OPCML: variants seen among roughly 807,000 people sequenced by gnomAD.
OPCML encodes opioid binding protein/cell adhesion molecule like.
OPCML carries 13 observed loss-of-function variants against 37.8 expected under a neutral mutation model. That is an observed-to-expected ratio of 0.34 (90% confidence interval 0.22 to 0.55). The LOEUF (loss-of-function observed/expected upper bound fraction) is 0.55, where lower values mean the gene tolerates loss of function less well. Ranked by LOEUF, OPCML falls within the 20% of genes least tolerant of loss-of-function variation. The pLI is 0.91. For missense variants in OPCML, 341 were observed against 435.6 expected (o/e 0.78, Z 1.93); for synonymous variants, 176 against 168.8 (o/e 1.04, Z -0.33).
At chr11:133,234,021 A>T (rs748925812) in intron 1 of OPCML, among the ~76,000 whole-genome samples, 2 of 152,186 alleles carry the variant, frequency 1.3e-5, no homozygotes, top group Non-Finnish European at 2.9e-5. Context: ...TGCAGAGCCA[A>T]ACAGCTATCT....
intron 2 of OPCML, among the ~76,000 whole-genome samples, chr11:132,857,656 G>T (rs1942112365): frequency 6.6e-6 from 1 of 152,118 alleles, no homozygotes; most frequent in Non-Finnish European, 1.5e-5. Flanking sequence ...TAAGAAACAT[G>T]CAAAGCTATA....
intron 1 of OPCML, chr11:133,006,860 T>C (rs958827036): frequency 1.0e-6 from 1 of 985,446 alleles, no homozygotes; most frequent in Non-Finnish European, 1.2e-6. Context: ...AGGAAGGTTA[T>C]ATCAGAATGC....
intron 2 of OPCML, among the ~76,000 whole-genome samples, chr11:132,834,400 G>C (rs985324839): frequency 1.3e-5 from 2 of 152,176 alleles, no homozygotes; most frequent in Non-Finnish European, 2.9e-5. Flanking sequence ...ATTTCCTGGG[G>C]CTGCTGTCAC....
intron 2 of OPCML, among the ~76,000 whole-genome samples, chr11:132,872,453 C>T (rs753765296): frequency 2.6e-5 from 4 of 152,022 alleles, no homozygotes; most frequent in Admixed American, 6.6e-5. Flanking sequence ...AGTGTGCAGG[C>T]GACAACAGGG....
At chr11:133,201,295 A>G (rs957394873) in intron 1 of OPCML, among the ~76,000 whole-genome samples, 1 of 123,256 alleles carries the variant, frequency 8.1e-6, no homozygotes, top group Admixed American at 8.8e-5. Flanking sequence ...TGGAAAGAAA[A>G]CAATGCATGC....
At chr11:132,591,602 C>T (rs918490636) in intron 3 of OPCML, among the ~76,000 whole-genome samples, 9 of 152,166 alleles carry the variant, frequency 5.9e-5, no homozygotes, top group South Asian at 2.1e-4. Context: ...ATTTTCATAT[C>T]GCCTTGAACA....
At chr11:133,103,062 A>C (rs1234450962) in intron 1 of OPCML, among the ~76,000 whole-genome samples, 3 of 152,204 alleles carry the variant, frequency 2.0e-5, no homozygotes, top group African/African-American at 7.2e-5. Context: ...AAAAAGGGAC[A>C]CAATGAAAAT....
chr11:133,005,264 T>C (rs2136859418), intron 1 of OPCML: 1 of 985,426 alleles, frequency 1.0e-6, no homozygotes, highest in African/African-American at 1.7e-5. Context: ...AAAAAGTGCA[T>C]GAATGAATCA....
At chr11:133,115,176 A>G (rs1949313452) in intron 1 of OPCML, among the ~76,000 whole-genome samples, 1 of 152,246 alleles carries the variant, frequency 6.6e-6, no homozygotes, top group South Asian at 2.1e-4. Flanking sequence ...TGAGCCGCTC[A>G]GCAAAGCTAC....
At chr11:133,031,520 T>C (rs1947671925) in intron 1 of OPCML, among the ~76,000 whole-genome samples, 1 of 149,704 alleles carries the variant, frequency 6.7e-6, no homozygotes, top group South Asian at 2.2e-4. Flanking sequence ...GGTAGGTGAA[T>C]GGATGGATGG....
In OPCML at chr11:132,761,762, T is replaced by C. The variant is rs556538705; in HGVS notation, c.147-104443A>G. Among the ~76,000 whole-genome samples, 17 of 152,260 alleles carry C rather than the reference T, an allele frequency of 1.1e-4. No homozygotes were observed. In the South Asian group the frequency reaches 2.3e-3, roughly 20 times the overall value. ...TGCATTGGGTTAGAACATGCTCCTT[T>C]AGCTCGGAAGAGTTTGTTATTACCC... On this transcript the variant is annotated intron_variant, in intron 2 of 7. Transcript: ENST00000524381.
At chr11:132,590,835 T>C (rs1241683215) in intron 3 of OPCML, among the ~76,000 whole-genome samples, 1 of 152,184 alleles carries the variant, frequency 6.6e-6, no homozygotes, top group East Asian at 1.9e-4. Context: ...CCTTTCGTCC[T>C]GGAGATTCTG....
chr11:133,231,460 G>A (rs2136387981), intron 1 of OPCML, among the ~76,000 whole-genome samples: 1 of 152,292 alleles, frequency 6.6e-6, no homozygotes, highest in African/African-American at 2.4e-5. Flanking sequence ...ATTCCTAGGT[G>A]AAGATGTCAC....
chr11:133,082,242 G>T (rs1367143474), intron 1 of OPCML, among the ~76,000 whole-genome samples: 1 of 151,630 alleles, frequency 6.6e-6, no homozygotes, highest in Non-Finnish European at 1.5e-5. Flanking sequence ...GCCACTCCGG[G>T]AGCCCCTGGA....
intron 2 of OPCML, among the ~76,000 whole-genome samples, chr11:132,923,731 C>A (rs538839389): frequency 4.1e-5 from 6 of 146,848 alleles, no homozygotes; most frequent in Non-Finnish European, 7.5e-5. Flanking sequence ...ACATGCCCTG[C>A]GAAGTATCAC....
chr11:132,924,529 G>A (rs1944924508), intron 2 of OPCML, among the ~76,000 whole-genome samples: 1 of 152,178 alleles, frequency 6.6e-6, no homozygotes, highest in Non-Finnish European at 1.5e-5. Flanking sequence ...CTTTATCTAT[G>A]TTGATGATTC....
At chr11:133,229,795 G>T (rs1032728990) in intron 1 of OPCML, among the ~76,000 whole-genome samples, 8 of 152,170 alleles carry the variant, frequency 5.3e-5, no homozygotes, top group Non-Finnish European at 2.9e-5. Context: ...CCACAAGACC[G>T]CACTTTGTTT....
At chr11:132,642,321 A>G (rs1365752475) in intron 3 of OPCML, among the ~76,000 whole-genome samples, 3 of 152,214 alleles carry the variant, frequency 2.0e-5, no homozygotes, top group Non-Finnish European at 4.4e-5. Context: ...TCAGAAGTAC[A>G]TCTTGAACAT....
intron 1 of OPCML, among the ~76,000 whole-genome samples, chr11:132,986,457 C>G (rs73586479): frequency 6.6e-6 from 1 of 152,148 alleles, no homozygotes; most frequent in Non-Finnish European, 1.5e-5. Flanking sequence ...GTCTCCAACA[C>G]ACTTAGGACC....
Sources: allele counts gnomAD v4.1 joint callset (sites outside exome capture counted in the v4.1 genomes callset), GRCh38; gene constraint gnomAD v4.1.1; transcripts MANE v1.5; gene names NCBI Gene and HGNC (gene_info 2026-07-23, HGNC 2026-07-21).